The following SLC29A4 variants were observed in gnomAD, a reference collection of about 807,000 sequenced individuals.
The protein encoded by SLC29A4 is equilibrative nucleoside transporter 4.
Under a neutral mutation model 43.9 loss-of-function variants are expected in SLC29A4, and 36 were observed. The observed-to-expected ratio is 0.82, with a 90% CI of 0.63 to 1.08. SLC29A4 has a LOEUF of 1.08. Ranked by LOEUF, SLC29A4 falls within the 50% of genes least tolerant of loss-of-function variation. The probability of loss-of-function intolerance (pLI) is 0.00; values close to 1 mark genes in which losing one functional copy is unlikely to be tolerated. For missense variants in SLC29A4, 869 were observed against 755.3 expected, an observed-to-expected ratio of 1.15 and a Z score of -1.77; for synonymous variants, 491 against 338.0, an observed-to-expected ratio of 1.45 and a Z score of -4.97.
chr7:5,287,758 G>T, intron 1 of SLC29A4, 51 bp from the exon 2 acceptor site: 2 of 1,569,078 alleles, frequency 1.3e-6, no homozygotes, highest in Non-Finnish European at 1.7e-6. Context: ...ATGAGCCATG[G>T]ATCCCTCAGC....
At chr7:5,289,533 C>T (rs1231381295) in intron 2 of SLC29A4, among the ~76,000 whole-genome samples, 2 of 152,122 alleles carry the variant, frequency 1.3e-5, no homozygotes, top group Non-Finnish European at 2.9e-5. Flanking sequence ...TCCCCAAGGT[C>T]TCACCTGATT....
chr7:5,289,292 G>C (rs187476624), intron 2 of SLC29A4, among the ~76,000 whole-genome samples: 1 of 152,286 alleles, frequency 6.6e-6, no homozygotes, highest in Non-Finnish European at 1.5e-5. Context: ...AGCTACTTCA[G>C]AGGCTGAGAC....
At chr7:5,298,929 G>A in intron 7 of SLC29A4, 59 bp from the exon 8 acceptor site, 1 of 1,563,892 alleles carries the variant, frequency 6.4e-7, no homozygotes, top group South Asian at 1.1e-5. Flanking sequence ...TGGATTCCTG[G>A]CCCGTGTCTC....
At chr7:5,294,718 T>C in intron 5 of SLC29A4, 142 bp from the exon 6 acceptor site, 1 of 821,400 alleles carries the variant, frequency 1.2e-6, no homozygotes, top group South Asian at 1.5e-5. Flanking sequence ...TTCCTACTGC[T>C]GCGTGTCAAA....
intron 2 of SLC29A4, among the ~76,000 whole-genome samples, chr7:5,288,862 G>A (rs536381050): frequency 2.4e-4 from 36 of 152,250 alleles, no homozygotes; most frequent in African/African-American, 8.2e-4. Flanking sequence ...CTTGGAGTCT[G>A]ACAGGCTCGG....
rs1301276947 is a variant in SLC29A4, at chr7:5,304,274, A to T, written c.*1335A>T. 2 of 152,118 alleles carry T rather than the reference A, an allele frequency of 1.3e-5. No individual in the cohort carries two copies. Among genetic ancestry groups the T allele is most frequent in the Admixed American group, 1.3e-4 (2 of 15,244 alleles). The allele number at this position is 152,118 out of a possible 1,614,324, so 9.4% of individuals were successfully genotyped here. On this transcript the variant is annotated 3_prime_UTR_variant, in exon 11 of 11. Coordinates refer to ENST00000396872, the MANE Select transcript of SLC29A4 (RefSeq NM_153247.4). Reference sequence around the variant, plus strand: ...AGTGGGGTGAGAGCTGGGAGCACTTAGGGTTTGTCGCTCACCTTGACCGCC... The same window carrying T: ...AGTGGGGTGAGAGCTGGGAGCACTTTGGGTTTGTCGCTCACCTTGACCGCC...
chr7:5,297,063 C>T lies in SLC29A4; in HGVS notation c.747C>T (p.His249=), dbSNP rs779423071. The change falls in exon 7 of 11, where the codon CAC becomes CAT. Residue 249 remains histidine (H), a synonymous_variant. Coordinates refer to ENST00000396872, the MANE Select transcript of SLC29A4 (RefSeq NM_153247.4). The part of the protein sequence containing the change: ...VALELLCFLL[H]LLVRRSRFVL... ...TGGAGCTGCTGTGTTTCCTGCTGCA[C>T]CTGTTAGTGCGGCGCAGCCGCTTCG... is the stretch of plus-strand genomic sequence containing the variant. 2.5e-6 allele frequency: 4 copies of T among 1,608,066 alleles called. No homozygotes were observed. Among genetic ancestry groups the T allele is most frequent in the South Asian group, 1.1e-5 (1 of 91,034 alleles).
chr7:5,288,749 C>T (rs960502826), intron 2 of SLC29A4, among the ~76,000 whole-genome samples: 3 of 152,268 alleles, frequency 2.0e-5, no homozygotes, highest in South Asian at 2.1e-4. Flanking sequence ...AGCTGTGTGA[C>T]GTTAGGCAAG....
chr7:5,283,355 C>T (rs1160459124), intron 1 of SLC29A4, among the ~76,000 whole-genome samples: 1 of 139,194 alleles, frequency 7.2e-6, no homozygotes, highest in Non-Finnish European at 1.6e-5. Flanking sequence ...CGCGGGGGTC[C>T]TCCCGCACGA....
chr7:5,299,525 C>T lies in SLC29A4; in HGVS notation c.1209+98C>T, dbSNP rs781378767. ...CGGGAAGGGTTCTGAGTGAAGGATG[C>T]ATGTGGCTCCCAGGTGGAAAGGGCA... On this transcript the variant is annotated intron_variant, in intron 9 of 10. Coordinates refer to ENST00000396872, the MANE Select transcript of SLC29A4 (RefSeq NM_153247.4). 524 of 1,286,588 alleles carry T rather than the reference C, an allele frequency of 4.1e-4. No individual in the cohort carries two copies. The highest frequency in any genetic ancestry group is 5.1e-4 in the Non-Finnish European group (483 of 938,576). The allele number at this position is 1,286,588 out of a possible 1,614,324, so 79.7% of individuals were successfully genotyped here.
At chr7:5,292,094 G>A (rs1583659024) in intron 5 of SLC29A4, among the ~76,000 whole-genome samples, 1 of 152,190 alleles carries the variant, frequency 6.6e-6, no homozygotes, top group Non-Finnish European at 1.5e-5. Flanking sequence ...AGACTGTTCT[G>A]CCTTTGTCAC....
rs1450077604 is a variant in SLC29A4 at position 5,303,000 on chromosome 7, G to GC, written c.*65dup. ...TGACCAGGGGCCCCGAGGCCTGAGG[G>GC]CCCCTCCCCTGTCCCCACCTCAGTG... On this transcript the variant is annotated 3_prime_UTR_variant, in exon 11 of 11. Coordinates refer to ENST00000396872, the MANE Select transcript of SLC29A4 (RefSeq NM_153247.4). 22 of 1,553,184 alleles carry GC rather than the reference G, an allele frequency of 1.4e-5. No individual in the cohort carries two copies. The Admixed American group carries it at 3.9e-4, about 28-fold the overall frequency.
Position 5,296,941 on chromosome 7 carries a change from G to A in SLC29A4, c.625G>A (p.Ala209Thr). 6.4e-7 allele frequency: 1 copy of A among 1,550,802 alleles called. No individual in the cohort carries two copies. Reference protein sequence around the residue: ...TQGVMTGESTAGVMISLSRIL... With the variant: ...TQGVMTGESTTGVMISLSRIL... The stretch of plus-strand genomic sequence containing the variant: ...CCACTGTGCACGCCCCCCAGGCACG[G>A]CGGGCGTGATGATCTCTCTGAGCCG... The change falls in exon 7 of 11, where the codon GCG becomes ACG. Residue 209 changes from alanine to threonine, a missense_variant. Ala to Thr is a moderately conservative substitution (Grantham distance 58, BLOSUM62 0). Transcript: ENST00000396872.
At chr7:5,293,285 C>T (rs1386489170) in intron 5 of SLC29A4, among the ~76,000 whole-genome samples, 1 of 150,514 alleles carries the variant, frequency 6.6e-6, no homozygotes, top group Admixed American at 6.6e-5. Context: ...GATTCTCCTG[C>T]CTCAGCCTCC....
intron 1 of SLC29A4, among the ~76,000 whole-genome samples, chr7:5,287,452 G>A (rs1013977475): frequency 6.6e-6 from 1 of 151,776 alleles, no homozygotes; most frequent in Non-Finnish European, 1.5e-5. Flanking sequence ...GACATACCAG[G>A]TGACATTGCT....
intron 5 of SLC29A4, among the ~76,000 whole-genome samples, chr7:5,294,657 G>T (rs1421255469): frequency 6.6e-6 from 1 of 152,148 alleles, no homozygotes; most frequent in Non-Finnish European, 1.5e-5. Context: ...CGTTTCATCT[G>T]TCAGAGCTTG....
chr7:5,296,538 T>G (rs1009527884), intron 6 of SLC29A4, among the ~76,000 whole-genome samples: 20 of 28,460 alleles, frequency 7.0e-4, no homozygotes, highest in South Asian at 1.9e-3. Flanking sequence ...GGAGGTGGGG[T>G]GGGGAGTGAG....
chr7:5,284,371 T>C lies in SLC29A4; in HGVS notation c.-9+1289T>C, dbSNP rs191332942. Among the ~76,000 whole-genome samples, 40 of 152,276 alleles carry C rather than the reference T, an allele frequency of 2.6e-4. No homozygotes were observed. The East Asian group carries it at 7.4e-3, about 28-fold the overall frequency. On this transcript the variant is annotated intron_variant, in intron 1 of 10. Transcript: ENST00000396872. ...CACCAGCCACCCACCCAGTCCCTGT[T>C]TGTGACGTACTCTCACCCTCTTCTT... is the stretch of plus-strand genomic sequence containing the variant.
At chr7:5,302,206 C>T (rs1318007836) in intron 10 of SLC29A4, among the ~76,000 whole-genome samples, 1 of 152,144 alleles carries the variant, frequency 6.6e-6, no homozygotes, top group African/African-American at 2.4e-5. Flanking sequence ...CTGCCTCAGC[C>T]TCCCAAAGTG....
Sources: allele counts gnomAD v4.1 joint callset (sites outside exome capture counted in the v4.1 genomes callset), GRCh38; gene constraint gnomAD v4.1.1; transcripts MANE v1.5; gene names NCBI Gene and HGNC (gene_info 2026-07-23, HGNC 2026-07-21).